The following DLC1 variants were observed in gnomAD, a reference collection of about 807,000 sequenced individuals.
DLC1 encodes the protein rho GTPase-activating protein 7.
In DLC1, 54 loss-of-function variants were observed where a neutral mutation model predicts 140.3. The observed-to-expected ratio is 0.38, with a 90% confidence interval of 0.31 to 0.48. DLC1 has a LOEUF of 0.48. DLC1 is among the 20% of genes least tolerant of loss of function. DLC1 has a pLI of 0.96. For synonymous variants in DLC1, 986 were observed against 728.1 expected (o/e 1.35, Z -5.70); for missense variants, 2,536 against 1,907.0 (o/e 1.33, Z -6.14).
intron 1 of DLC1, among the ~76,000 whole-genome samples, chr8:13,544,586 A>G (rs887281699): frequency 6.6e-6 from 1 of 152,180 alleles, no homozygotes; most frequent in Non-Finnish European, 1.5e-5. Context: ...GGGCTGCTCC[A>G]TTACATACTG....
At chr8:13,601,424 G>C (rs1371184908) in intron 1 of DLC1, among the ~76,000 whole-genome samples, 6 of 151,680 alleles carry the variant, frequency 4.0e-5, no homozygotes, top group African/African-American at 1.5e-4. Context: ...CAGTGTTTCA[G>C]CATGCAAGCC....
At chr8:13,557,741 A>G (rs1430641626) in intron 1 of DLC1, 1 of 152,172 alleles carries the variant, frequency 6.6e-6, no homozygotes, top group African/African-American at 2.4e-5. Context: ...AGTCAATTAA[A>G]CTTCTTTCCT....
At chr8:13,397,879 T>A (rs1837118968) in intron 3 of DLC1, among the ~76,000 whole-genome samples, 1 of 151,854 alleles carries the variant, frequency 6.6e-6, no homozygotes, top group African/African-American at 2.4e-5. Flanking sequence ...ACGCCTGTAA[T>A]CCCAGCACTT....
intron 5 of DLC1, among the ~76,000 whole-genome samples, chr8:13,234,197 G>A (rs1829180651): frequency 6.6e-6 from 1 of 152,134 alleles, no homozygotes; most frequent in Non-Finnish European, 1.5e-5. Flanking sequence ...CAGGGAAAAT[G>A]TGGAGGGAAT....
In DLC1 at chr8:13,094,726, A is replaced by G. The variant is rs529274345; in HGVS notation, c.3526+33T>C. The G allele has an allele frequency of 4.3e-5, 69 of 1,612,058 alleles. No individual in the cohort carries two copies. The Middle Eastern group carries it at 1.7e-3, about 39-fold the overall frequency. On this transcript the variant is annotated intron_variant, in intron 12 of 17. Coordinates refer to ENST00000276297, the MANE Select transcript of DLC1 (RefSeq NM_182643.3). ...CTTCAGTTGGTCCCATTTTTCCCCAATGCCAACAATCTTAAGATCAAAGGA... is the reference window on the plus strand; with the variant it reads ...CTTCAGTTGGTCCCATTTTTCCCCAGTGCCAACAATCTTAAGATCAAAGGA...
intron 7 of DLC1, among the ~76,000 whole-genome samples, chr8:13,105,648 G>T (rs1027852485): frequency 4.6e-5 from 7 of 151,224 alleles, no homozygotes; most frequent in Admixed American, 2.0e-4. Flanking sequence ...GAGTGCAGTG[G>T]CTCACTGCAA....
In DLC1 at chr8:13,100,502, T is replaced by C. The variant is rs1418075955; in HGVS notation, c.1835A>G (p.Asp612Gly). The change falls in exon 9 of 18, where the codon GAT (aspartate) becomes GGT (glycine). Residue 612 changes from aspartate (D) to glycine (G), a missense_variant. Transcript: ENST00000276297. ...SLPSHAPPSEDAATPRTNSVI... is the reference protein window; with the variant it reads ...SLPSHAPPSEGAATPRTNSVI... ...GGAGTTAGTCCGGGGGGTGGCAGCATCCTCGCTGGGGGGCGCGTGGCTGGG... is the reference window on the plus strand; with the variant it reads ...GGAGTTAGTCCGGGGGGTGGCAGCACCCTCGCTGGGGGGCGCGTGGCTGGG... 3 of 1,612,226 alleles carry C rather than the reference T, an allele frequency of 1.9e-6. No homozygotes were observed. Among genetic ancestry groups the C allele is most frequent in the Non-Finnish European group, 2.5e-6 (3 of 1,179,888 alleles).
intron 2 of DLC1, among the ~76,000 whole-genome samples, chr8:13,494,463 C>T (rs534113448): frequency 6.6e-6 from 1 of 152,256 alleles, no homozygotes; most frequent in South Asian, 2.1e-4. Context: ...AGCCTTTTGC[C>T]TTCCCACTGA....
intron 5 of DLC1, among the ~76,000 whole-genome samples, chr8:13,167,250 C>T (rs1825168019): frequency 6.6e-6 from 1 of 152,182 alleles, no homozygotes; most frequent in African/African-American, 2.4e-5. Context: ...GTTGACTCTG[C>T]TCAAGTCTCC....
At chr8:13,176,933 T>C (rs1585845956) in intron 5 of DLC1, among the ~76,000 whole-genome samples, 1 of 152,156 alleles carries the variant, frequency 6.6e-6, no homozygotes, top group East Asian at 1.9e-4. Flanking sequence ...GAGCTAAGGA[T>C]GGTGGGCGGC....
intron 4 of DLC1, 121 bp downstream of exon 4, chr8:13,393,432 C>A (rs1836856967): frequency 1.8e-6 from 2 of 1,136,370 alleles, no homozygotes; most frequent in South Asian, 1.9e-5. Flanking sequence ...AATTAAATAT[C>A]ATTAAGTCAC....
chr8:13,534,173 C>T (rs1174049745), intron 1 of DLC1, among the ~76,000 whole-genome samples: 1 of 152,144 alleles, frequency 6.6e-6, no homozygotes, highest in African/African-American at 2.4e-5. Flanking sequence ...TTTATGCCAG[C>T]AATTTCCAGA....
chr8:13,357,504 A>G (rs2117059480), intron 4 of DLC1, among the ~76,000 whole-genome samples: 1 of 152,330 alleles, frequency 6.6e-6, no homozygotes, highest in Non-Finnish European at 1.5e-5. Flanking sequence ...CAAACAGATT[A>G]AAGGTCAGTG....
chr8:13,375,522 C>G (rs963156497), intron 4 of DLC1, among the ~76,000 whole-genome samples: 2 of 152,112 alleles, frequency 1.3e-5, no homozygotes, highest in African/African-American at 4.8e-5. Context: ...CCTGAATGCC[C>G]TGGCTAGAAC....
Position 13,571,769 on chromosome 8 carries a change from T to C in DLC1, c.-126+32768A>G, listed in dbSNP as rs977261896. ...ACGTGGTAATTCTATGTTTAGCTTT[T>C]TGAGGAAGTGACACATTATTTCTAC... On this transcript the variant is annotated intron_variant, in intron 1 of 1. Coordinates refer to the DLC1 transcript ENST00000631382. Among the ~76,000 whole-genome samples, 3 of 152,324 alleles carry C rather than the reference T, an allele frequency of 2.0e-5. No individual in the cohort carries two copies. The South Asian group carries it at 6.2e-4, about 32-fold the overall frequency.
intron 5 of DLC1, among the ~76,000 whole-genome samples, chr8:13,219,612 G>C (rs913881844): frequency 6.6e-6 from 1 of 151,412 alleles, no homozygotes; most frequent in Non-Finnish European, 1.5e-5. Flanking sequence ...CTTCAAAAAA[G>C]CCTTCACTAA....
At chr8:13,293,178 C>T (rs541574818) in intron 5 of DLC1, among the ~76,000 whole-genome samples, 28 of 152,308 alleles carry the variant, frequency 1.8e-4, no homozygotes, top group African/African-American at 6.5e-4. Flanking sequence ...TGCCATGAGA[C>T]ATGATTGCAC....
At chr8:13,538,643 C>T (rs945612593) in intron 1 of DLC1, among the ~76,000 whole-genome samples, 4 of 152,092 alleles carry the variant, frequency 2.6e-5, no homozygotes, top group Admixed American at 1.3e-4. Flanking sequence ...AGTAATCCTC[C>T]TGAAACACTA....
chr8:13,128,155 A>G (rs1051345248), intron 5 of DLC1, among the ~76,000 whole-genome samples: 1 of 152,176 alleles, frequency 6.6e-6, no homozygotes, highest in African/African-American at 2.4e-5. Context: ...GTAATAGTTC[A>G]CTTTTTGGTG....
Sources: allele counts gnomAD v4.1 joint callset (sites outside exome capture counted in the v4.1 genomes callset), GRCh38; gene constraint gnomAD v4.1.1; transcripts MANE v1.5; gene names NCBI Gene and HGNC (gene_info 2026-07-23, HGNC 2026-07-21).